The following CENPP variants were observed in gnomAD, a reference collection of about 807,000 sequenced individuals.
CENPP encodes the protein centromere protein P.
In CENPP, 24 loss-of-function variants were observed where a neutral mutation model predicts 35.6. The ratio of observed to expected loss-of-function variants is 0.67; its 90% CI spans 0.49 to 0.95. CENPP has a LOEUF of 0.95. CENPP is among the 40% of genes least tolerant of loss of function. The probability of loss-of-function intolerance (pLI) is 0.00; values close to 1 mark genes in which losing one functional copy is unlikely to be tolerated. For synonymous variants in CENPP, 120 were observed against 125.5 expected (o/e 0.96, Z 0.29); for missense variants, 332 against 345.3 (o/e 0.96, Z 0.31).
At chr9:92,600,292 TA>T in intron 5 of CENPP, 1 of 1,468,546 alleles carries the variant, frequency 6.8e-7, no homozygotes, top group Non-Finnish European at 9.0e-7. Context: ...TTCCTGTCCA[TA>T]CAGGCCCATT....
At chr9:92,422,056 T>G (rs1431559199) in intron 5 of CENPP, among the ~76,000 whole-genome samples, 1 of 149,402 alleles carries the variant, frequency 6.7e-6, no homozygotes, top group East Asian at 1.9e-4. Context: ...CATATTAACT[T>G]TTTTTTTTTT....
At chr9:92,401,318 A>G (rs1050173773) in intron 5 of CENPP, 9 of 513,774 alleles carry the variant, frequency 1.8e-5, no homozygotes, top group Non-Finnish European at 2.4e-5. Flanking sequence ...GCTTTCATAC[A>G]TATTTCCATT....
At chr9:92,444,936 A>C (rs1318729727) in intron 5 of CENPP, among the ~76,000 whole-genome samples, 4 of 152,110 alleles carry the variant, frequency 2.6e-5, no homozygotes, top group Admixed American at 2.6e-4. Flanking sequence ...GGAGAGACCA[A>C]CAGACCAAAC....
chr9:92,555,003 TTTGTTG>T (rs57027847), intron 5 of CENPP, among the ~76,000 whole-genome samples: 1,551 of 149,814 alleles, frequency 0.01, 9 homozygotes, highest in East Asian at 0.021. Flanking sequence ...GTCTGTATTG[TTTGTTG>T]TTGTTGTTGT....
intron 5 of CENPP, among the ~76,000 whole-genome samples, chr9:92,396,336 T>C (rs1842888350): frequency 6.6e-6 from 1 of 151,994 alleles, no homozygotes; most frequent in African/African-American, 2.4e-5. Flanking sequence ...TTCTAGGTCC[T>C]TTATATTTTT....
intron 4 of CENPP, among the ~76,000 whole-genome samples, chr9:92,377,384 A>T (rs1842148115): frequency 6.6e-6 from 1 of 152,166 alleles, no homozygotes; most frequent in African/African-American, 2.4e-5. Flanking sequence ...TTACTTGGGA[A>T]CCAAGTCAAG....
intron 5 of CENPP, chr9:92,393,175 G>T: frequency 6.2e-7 from 1 of 1,613,594 alleles, no homozygotes; most frequent in Non-Finnish European, 8.5e-7. Context: ...GGGTGGTACA[G>T]CATCAATGTC....
intron 5 of CENPP, chr9:92,496,056 CATA>C: frequency 9.3e-7 from 1 of 1,078,892 alleles, no homozygotes; most frequent in Non-Finnish European, 1.1e-6. Context: ...GCTCAGTATG[CATA>C]ATATCCTATT....
At chr9:92,603,994 G>C (rs1029915831) in intron 5 of CENPP, among the ~76,000 whole-genome samples, 3 of 152,184 alleles carry the variant, frequency 2.0e-5, no homozygotes, top group Non-Finnish European at 2.9e-5. Flanking sequence ...ATCACTTGCT[G>C]CTCCCAGTTT....
At chr9:92,517,575 G>T in intron 5 of CENPP, 1 of 1,398,834 alleles carries the variant, frequency 7.1e-7, no homozygotes, top group Non-Finnish European at 9.8e-7. Context: ...AATATTTTAA[G>T]TACTCAGATC....
chr9:92,517,839 A>T (rs530853441), intron 5 of CENPP: 5 of 1,614,204 alleles, frequency 3.1e-6, no homozygotes, highest in Non-Finnish European at 3.4e-6. Flanking sequence ...TTTGTTGTAC[A>T]TGGTTATGCC....
intron 5 of CENPP, chr9:92,386,087 C>G: frequency 1.3e-6 from 1 of 766,258 alleles, no homozygotes; most frequent in Non-Finnish European, 2.2e-6. Flanking sequence ...AGCTATCACG[C>G]TACTACAGTG....
intron 5 of CENPP, among the ~76,000 whole-genome samples, chr9:92,521,310 G>C (rs1848055469): frequency 6.6e-6 from 1 of 151,922 alleles, no homozygotes; most frequent in Non-Finnish European, 1.5e-5. Context: ...TTATAGCTTA[G>C]CCATCTTTCC....
chr9:92,479,590 A>G (rs1377154267), intron 5 of CENPP, among the ~76,000 whole-genome samples: 4 of 152,182 alleles, frequency 2.6e-5, no homozygotes, highest in Non-Finnish European at 5.9e-5. Flanking sequence ...ATACTACCTC[A>G]AGGCAGCATC....
At chr9:92,415,124 C>T (rs1319535611) in intron 5 of CENPP, 11 of 1,523,984 alleles carry the variant, frequency 7.2e-6, no homozygotes, top group African/African-American at 2.8e-5. Flanking sequence ...TTTGTGAAGT[C>T]GTAAGTGTAT....
At chr9:92,566,291 C>A (rs550528083) in intron 5 of CENPP, among the ~76,000 whole-genome samples, 1 of 149,696 alleles carries the variant, frequency 6.7e-6, no homozygotes, top group Non-Finnish European at 1.5e-5. Flanking sequence ...CAGAGTGAGT[C>A]TCCATCTCAA....
At chr9:92,605,173 GT>G (rs1479440278) in intron 5 of CENPP, among the ~76,000 whole-genome samples, 3 of 151,658 alleles carry the variant, frequency 2.0e-5, no homozygotes, top group Non-Finnish European at 4.4e-5. Context: ...TAGAGAAGGG[GT>G]TACACCATGA....
intron 5 of CENPP, chr9:92,404,717 T>G (rs1588106205): frequency 8.9e-7 from 1 of 1,128,040 alleles, no homozygotes; most frequent in Non-Finnish European, 1.1e-6. Context: ...ACTAGAGAAC[T>G]GTGCTTAAGT....
chr9:92,584,317 G>A (rs1850494276), intron 5 of CENPP, among the ~76,000 whole-genome samples: 1 of 151,544 alleles, frequency 6.6e-6, no homozygotes. Flanking sequence ...GCACAGATAG[G>A]TGTTCAGTGT....
Sources: gnomAD v4.1 joint callset for allele counts (sites outside exome capture counted in the v4.1 genomes callset) on GRCh38, gnomAD v4.1.1 for gene constraint, MANE v1.5 for transcripts, NCBI Gene and HGNC (gene_info 2026-07-23, HGNC 2026-07-21) for gene names.